The following HIVEP3 variants were observed in gnomAD, a reference collection of about 807,000 sequenced individuals.
HIVEP3 encodes transcription factor HIVEP3.
In HIVEP3, 49 loss-of-function variants were observed where a neutral mutation model predicts 152.8. The ratio of observed to expected loss-of-function variants is 0.32; its 90% CI spans 0.26 to 0.41. The LOEUF is 0.41. Among genes scored for constraint, HIVEP3 ranks in the 10% least tolerant of loss-of-function variants. The probability of loss-of-function intolerance (pLI) is 1.00; values close to 1 mark genes in which losing one functional copy is unlikely to be tolerated. For synonymous variants in HIVEP3, 1,269 were observed against 1,289.0 expected, an observed-to-expected ratio of 0.98 and a Z score of 0.33; for missense variants, 2,790 against 3,103.3, an observed-to-expected ratio of 0.90 and a Z score of 2.40.
intron 1 of HIVEP3, among the ~76,000 whole-genome samples, chr1:41,751,044 G>A (rs4660564): frequency 0.35 from 53,053 of 151,972 alleles, 9,476 homozygotes; most frequent in East Asian, 0.47. Flanking sequence ...GACTAGGTTC[G>A]TAAGAACGGA....
chr1:41,992,224 T>C (rs369724701), intron 1 of HIVEP3, among the ~76,000 whole-genome samples: 4 of 151,964 alleles, frequency 2.6e-5, no homozygotes, highest in South Asian at 2.1e-4. Flanking sequence ...TCTTTGCAGA[T>C]GACATGATTG....
At chr1:41,942,366 C>T (rs1384125918) in intron 1 of HIVEP3, among the ~76,000 whole-genome samples, 1 of 152,134 alleles carries the variant, frequency 6.6e-6, no homozygotes, top group Non-Finnish European at 1.5e-5. Flanking sequence ...CTGATTTATC[C>T]CTAAAATATC....
chr1:41,998,887 C>CTTTTTTTTTTTTTTTTTTT (rs1184823372), intron 1 of HIVEP3, among the ~76,000 whole-genome samples: 1 of 77,312 alleles, frequency 1.3e-5, no homozygotes, highest in Non-Finnish European at 2.3e-5. Context: ...TTTTCTCTCT[C>CTTTTTTTTTTTTTTTTTTT]TCTTTTTTTT....
At chr1:41,991,989 G>T (rs1229240258) in intron 1 of HIVEP3, among the ~76,000 whole-genome samples, 1 of 148,766 alleles carries the variant, frequency 6.7e-6, no homozygotes, top group East Asian at 2.0e-4. Flanking sequence ...CGTATTGATG[G>T]GACATATTTC....
chr1:41,573,200 C>A (rs147335664), intron 5 of HIVEP3, among the ~76,000 whole-genome samples: 1 of 152,300 alleles, frequency 6.6e-6, no homozygotes, highest in East Asian at 1.9e-4. Flanking sequence ...TGTGGGATTG[C>A]AGAGGAGTGT....
intron 1 of HIVEP3, among the ~76,000 whole-genome samples, chr1:42,031,949 C>G (rs1258731447): frequency 6.6e-6 from 1 of 152,118 alleles, no homozygotes; most frequent in African/African-American, 2.4e-5. Flanking sequence ...ATGTGGTAAT[C>G]AAAATATTGT....
chr1:41,990,095 G>C (rs1303092437), intron 1 of HIVEP3, among the ~76,000 whole-genome samples: 9 of 92,800 alleles, frequency 9.7e-5, no homozygotes, highest in African/African-American at 3.6e-4. Context: ...CTTCCTTCAG[G>C]AGCTCTTTTA....
chr1:41,887,155 T>TGCTAGAAGAAAAGCTAAATTTTCTTTG (rs1273772980), intron 1 of HIVEP3, among the ~76,000 whole-genome samples: 1 of 152,168 alleles, frequency 6.6e-6, no homozygotes, highest in African/African-American at 2.4e-5. Flanking sequence ...AAAATCACTA[T>TGCTAGAAGAAAAGCTAAATTTTCTTTG]CATATGAAGA....
In HIVEP3 at chr1:41,585,045, G is replaced by A. The variant is rs749823418; in HGVS notation, c.-248C>T. Reference sequence around the variant, plus strand: ...GCCCTCTACTTTGCAGACAGAAAACGCACCAGCACTTTCTGCCTGAATGTC... The same window carrying A: ...GCCCTCTACTTTGCAGACAGAAAACACACCAGCACTTTCTGCCTGAATGTC... On this transcript the variant is annotated 5_prime_UTR_variant, in exon 4 of 9. Transcript: ENST00000372583. 1 of 402,106 alleles carries A rather than the reference G, an allele frequency of 2.5e-6. No individual in the cohort carries two copies. Among genetic ancestry groups the A allele is most frequent in the East Asian group, 3.6e-5 (1 of 28,152 alleles). The allele number at this position is 402,106 out of a possible 1,614,324, so 24.9% of individuals were successfully genotyped here. A position where few individuals can be genotyped will look rare whatever the true frequency, so the allele number is the denominator to read the frequency against.
chr1:41,791,277 C>T (rs1263925052), intron 1 of HIVEP3, among the ~76,000 whole-genome samples: 1 of 152,214 alleles, frequency 6.6e-6, no homozygotes. Flanking sequence ...ACACTGCATT[C>T]CTTTCTTTGC....
chr1:41,794,092 G>A (rs556086686), intron 1 of HIVEP3, among the ~76,000 whole-genome samples: 5 of 152,238 alleles, frequency 3.3e-5, no homozygotes, highest in African/African-American at 4.8e-5. Flanking sequence ...AGACATACCC[G>A]AGACTGGGTA....
intron 1 of HIVEP3, among the ~76,000 whole-genome samples, chr1:41,840,712 C>A (rs1364838899): frequency 1.3e-5 from 2 of 152,160 alleles, no homozygotes; most frequent in African/African-American, 2.4e-5. Flanking sequence ...CCAGTGACAC[C>A]CACGGAGCCC....
At chr1:41,831,107 G>A (rs150957814) in intron 1 of HIVEP3, among the ~76,000 whole-genome samples, 2,502 of 152,154 alleles carry the variant, frequency 0.016, 38 homozygotes, top group Non-Finnish European at 0.021. Context: ...GAACTGCAGA[G>A]GACAAATACC....
chr1:41,912,598 C>T (rs1013978610), intron 1 of HIVEP3, among the ~76,000 whole-genome samples: 2 of 152,230 alleles, frequency 1.3e-5, no homozygotes, highest in African/African-American at 4.8e-5. Context: ...ACATTATGCT[C>T]TGGCTCATTT....
intron 1 of HIVEP3, among the ~76,000 whole-genome samples, chr1:41,983,869 G>T (rs959035215): frequency 2.6e-5 from 4 of 152,320 alleles, no homozygotes; most frequent in Admixed American, 2.6e-4. Context: ...ATAGGCAACA[G>T]CAGGATGTAA....
intron 2 of HIVEP3, among the ~76,000 whole-genome samples, chr1:41,632,909 T>C (rs1408346869): frequency 6.6e-6 from 1 of 151,624 alleles, no homozygotes; most frequent in Non-Finnish European, 1.5e-5. Flanking sequence ...GACATGACGG[T>C]TTGACAGATG....
chr1:41,937,752 C>T (rs1357860119), intron 1 of HIVEP3, among the ~76,000 whole-genome samples: 2 of 152,144 alleles, frequency 1.3e-5, no homozygotes, highest in African/African-American at 4.8e-5. Context: ...TCAGATATGT[C>T]AACTAATAAT....
intron 1 of HIVEP3, among the ~76,000 whole-genome samples, chr1:41,712,750 G>A (rs879525179): frequency 6.6e-6 from 1 of 152,186 alleles, no homozygotes; most frequent in Non-Finnish European, 1.5e-5. Flanking sequence ...TGGCCCGGCA[G>A]CCCCTCCCTT....
At chr1:41,514,606 C>T (rs1642548434) in intron 7 of HIVEP3, among the ~76,000 whole-genome samples, 1 of 152,234 alleles carries the variant, frequency 6.6e-6, no homozygotes, top group African/African-American at 2.4e-5. Context: ...TTTTGAAGTC[C>T]AGGCTGCCTC....
Sources: allele counts gnomAD v4.1 joint callset (sites outside exome capture counted in the v4.1 genomes callset), GRCh38; gene constraint gnomAD v4.1.1; transcripts MANE v1.5; gene names NCBI Gene and HGNC (gene_info 2026-07-23, HGNC 2026-07-21).